Variants in HYDIN observed in about 807,000 individuals in gnomAD.
HYDIN encodes axonemal central pair apparatus protein HYDIN.
In HYDIN, 132 loss-of-function variants were observed where a neutral mutation model predicts 403.9. That is an observed-to-expected ratio of 0.33 (90% CI 0.28 to 0.38). HYDIN has a LOEUF of 0.38. HYDIN is among the 10% of genes least tolerant of loss of function. The pLI, the probability that HYDIN is intolerant of heterozygous loss-of-function variation, is 1.00. For missense variants in HYDIN, 2,827 were observed against 5,009.5 expected, an observed-to-expected ratio of 0.56 and a Z score of 13.15; for synonymous variants, 1,202 against 1,891.7, an observed-to-expected ratio of 0.64 and a Z score of 9.46.
intron 12 of HYDIN, chr16:71,080,757 AG>A (rs1256688363): frequency 4.2e-5 from 6 of 142,784 alleles, no homozygotes; most frequent in Non-Finnish European, 9.0e-5. Context: ...AGATGGAATT[AG>A]GGTTGCTAAT....
intron 1 of HYDIN, among the ~76,000 whole-genome samples, chr16:71,188,980 A>G (rs577351421): frequency 1.5e-3 from 226 of 152,346 alleles, no homozygotes; most frequent in Middle Eastern, 6.8e-3. Context: ...AGGAAGGTCC[A>G]TTCTCCTGGA....
chr16:71,171,703 C>T (rs1035025896), intron 5 of HYDIN, among the ~76,000 whole-genome samples: 4 of 152,068 alleles, frequency 2.6e-5, no homozygotes, highest in African/African-American at 9.7e-5. Flanking sequence ...AGAAGACTTC[C>T]TAGACATCTT....
At chr16:71,065,401 T>G (rs1009543466) in intron 15 of HYDIN, among the ~76,000 whole-genome samples, 537 of 70,416 alleles carry the variant, frequency 7.6e-3, no homozygotes, top group Admixed American at 0.011. Flanking sequence ...GGGGGTGAGG[T>G]GGGGGGAGAG....
intron 9 of HYDIN, among the ~76,000 whole-genome samples, chr16:71,121,479 CAGGGT>C (rs2084256361): frequency 7.2e-6 from 1 of 139,532 alleles, no homozygotes; most frequent in Admixed American, 7.4e-5. Flanking sequence ...TGGTGAAGGT[CAGGGT>C]CCAGTCAGCT....
At chr16:71,047,244 C>T (rs368935920) in intron 18 of HYDIN, among the ~76,000 whole-genome samples, 5 of 151,936 alleles carry the variant, frequency 3.3e-5, no homozygotes, top group African/African-American at 7.3e-5. Context: ...TCATATTATT[C>T]TCAGATGAAT....
At chr16:71,051,412 C>T (rs1353940946) in intron 18 of HYDIN, among the ~76,000 whole-genome samples, 3 of 151,514 alleles carry the variant, frequency 2.0e-5, no homozygotes, top group East Asian at 2.0e-4. Context: ...TTTGGGAGGC[C>T]GAGGCAGATG....
intron 1 of HYDIN, among the ~76,000 whole-genome samples, chr16:71,228,477 C>T (rs1034464229): frequency 6.6e-6 from 1 of 152,088 alleles, no homozygotes; most frequent in Non-Finnish European, 1.5e-5. Context: ...AAAAAACAAA[C>T]CCATCAAAAA....
At chr16:70,908,573 C>G (rs1437521617) in intron 48 of HYDIN, 80 bp downstream of exon 48, 2 of 1,504,416 alleles carry the variant, frequency 1.3e-6, no homozygotes, top group East Asian at 4.9e-5. Context: ...CAGCTCTGTT[C>G]CCCTCCAGTG....
chr16:71,217,923 T>A (rs1214932678), intron 1 of HYDIN, among the ~76,000 whole-genome samples: 1 of 152,162 alleles, frequency 6.6e-6, no homozygotes, highest in Non-Finnish European at 1.5e-5. Flanking sequence ...GGGTGCTGAA[T>A]CGTTGTTGAA....
chr16:70,945,994 T>A (rs1259068009), intron 41 of HYDIN, among the ~76,000 whole-genome samples: 1 of 151,316 alleles, frequency 6.6e-6, no homozygotes, highest in East Asian at 2.0e-4. Context: ...GAGGGGGATG[T>A]GGGGTCACGG....
intron 28 of HYDIN, among the ~76,000 whole-genome samples, chr16:70,982,274 T>A (rs116175460): frequency 4.0e-5 from 6 of 151,356 alleles, no homozygotes; most frequent in African/African-American, 1.5e-4. Flanking sequence ...AAAATATGAA[T>A]AACAAAACTC....
intron 57 of HYDIN, among the ~76,000 whole-genome samples, chr16:70,891,381 G>C (rs1331012089): frequency 1.3e-5 from 2 of 152,130 alleles, no homozygotes; most frequent in African/African-American, 4.8e-5. Context: ...TAGAGATGGG[G>C]TTTCACCACA....
intron 6 of HYDIN, among the ~76,000 whole-genome samples, chr16:71,157,160 C>T (rs542743202): frequency 6.6e-6 from 1 of 151,484 alleles, no homozygotes; most frequent in South Asian, 2.1e-4. Context: ...AGCTCACATT[C>T]GAATAAGGGT....
intron 1 of HYDIN, 56 bp from the exon 2 acceptor site, chr16:71,186,974 T>C: frequency 8.0e-7 from 1 of 1,251,758 alleles, no homozygotes; most frequent in Non-Finnish European, 1.1e-6. Context: ...TGAATACAGG[T>C]CATAATTTTT....
intron 19 of HYDIN, among the ~76,000 whole-genome samples, chr16:71,030,857 A>G (rs1017682928): frequency 5.3e-5 from 8 of 152,064 alleles, no homozygotes; most frequent in African/African-American, 1.7e-4. Flanking sequence ...AATGGAAACC[A>G]TCTCAGTTGT....
intron 3 of HYDIN, among the ~76,000 whole-genome samples, chr16:71,180,323 A>T (rs2086846116): frequency 6.6e-6 from 1 of 152,080 alleles, no homozygotes; most frequent in Non-Finnish European, 1.5e-5. Context: ...ACAAGAAGAA[A>T]CAGAACATCT....
At chr16:70,820,680 A>G (rs760838592) in intron 83 of HYDIN, among the ~76,000 whole-genome samples, 5 of 142,742 alleles carry the variant, frequency 3.5e-5, no homozygotes, top group African/African-American at 5.2e-5. Context: ...ATGGAGTCTT[A>G]CTCTGTCACC....
chr16:71,195,757 A>G (rs2087667752), intron 1 of HYDIN, among the ~76,000 whole-genome samples: 1 of 152,224 alleles, frequency 6.6e-6, no homozygotes, highest in Admixed American at 6.5e-5. Context: ...TATCTTAGGT[A>G]GATAAAAGAA....
chr16:70,838,723 G>T (rs1228221984), intron 76 of HYDIN, among the ~76,000 whole-genome samples: 1 of 151,906 alleles, frequency 6.6e-6, no homozygotes, highest in Non-Finnish European at 1.5e-5. Flanking sequence ...GTAAAATGGG[G>T]GTAATGATAA....
Sources: gnomAD v4.1 joint callset for allele counts (sites outside exome capture counted in the v4.1 genomes callset) on GRCh38, gnomAD v4.1.1 for gene constraint, MANE v1.5 for transcripts, NCBI Gene and HGNC (gene_info 2026-07-23, HGNC 2026-07-21) for gene names.